PRKCE: variants seen among roughly 807,000 people sequenced by gnomAD.
PRKCE encodes the protein protein kinase C epsilon.
A neutral mutation model predicts 85.4 loss-of-function variants in PRKCE; 16 were observed. That is an observed-to-expected ratio of 0.19 (90% CI 0.13 to 0.28). The LOEUF (loss-of-function observed/expected upper bound fraction) is 0.28, where lower values mean the gene tolerates loss of function less well. PRKCE is among the 10% of genes least tolerant of loss of function. The pLI is 1.00. For missense variants in PRKCE, 573 were observed against 975.2 expected, an observed-to-expected ratio of 0.59 and a Z score of 5.49; for synonymous variants, 388 against 371.5, an observed-to-expected ratio of 1.04 and a Z score of -0.51.
At chr2:46,021,778 G>C (rs1574255694) in intron 10 of PRKCE, among the ~76,000 whole-genome samples, 1 of 152,160 alleles carries the variant, frequency 6.6e-6, no homozygotes, top group South Asian at 2.1e-4. Context: ...GCTGACGTCA[G>C]ATTCTCTCAC....
chr2:45,963,612 T>A (rs147547481), intron 2 of PRKCE, among the ~76,000 whole-genome samples: 9 of 152,296 alleles, frequency 5.9e-5, no homozygotes, highest in African/African-American at 2.2e-4. Context: ...CCCGGCCATC[T>A]TTACCTCTTT....
chr2:45,747,462 T>A (rs887763904), intron 1 of PRKCE, among the ~76,000 whole-genome samples: 4 of 152,204 alleles, frequency 2.6e-5, no homozygotes, highest in African/African-American at 9.7e-5. Context: ...TATACAGTAT[T>A]TGTCCTTTTG....
chr2:46,099,122 G>C (rs773340291), intron 11 of PRKCE, among the ~76,000 whole-genome samples: 1 of 152,052 alleles, frequency 6.6e-6, no homozygotes, highest in Non-Finnish European at 1.5e-5. Context: ...GGTAAGCAAG[G>C]AGCTGGGTTG....
rs1686620582 is a variant in PRKCE, at chr2:45,786,642, A to G, written c.349-56358A>G. The stretch of plus-strand genomic sequence containing the variant: ...AGACAGAGTATTTTGTATGAGATTC[A>G]GGGGTGGGAGTGAGGGGGCAAGGGT... On this transcript the variant is annotated intron_variant, in intron 1 of 14. Transcript: ENST00000306156. This position sits in a 1 kb window ranked among gnomAD's most constrained non-coding sequence, Gnocchi z 5.3. Among the ~76,000 whole-genome samples the G allele has an allele frequency of 6.6e-6, 1 of 152,172 alleles. No homozygotes were observed. Among genetic ancestry groups the G allele is most frequent in the African/African-American group, 2.4e-5 (1 of 41,438 alleles).
At chr2:45,734,506 A>C (rs12467347) in intron 1 of PRKCE, among the ~76,000 whole-genome samples, 66,656 of 152,162 alleles carry the variant, frequency 0.44, 14,715 homozygotes, top group Admixed American at 0.47. Flanking sequence ...TGGTGTGAGC[A>C]TTGGAAGTTA....
intron 2 of PRKCE, among the ~76,000 whole-genome samples, chr2:45,844,100 G>T (rs749005410): frequency 6.6e-6 from 1 of 152,182 alleles, no homozygotes; most frequent in Admixed American, 6.5e-5. Flanking sequence ...TAGAAGGAAG[G>T]ATTACATATT....
At chr2:46,040,331 C>T (rs1351127350) in intron 10 of PRKCE, among the ~76,000 whole-genome samples, 1 of 152,170 alleles carries the variant, frequency 6.6e-6, no homozygotes, top group Admixed American at 6.5e-5. Flanking sequence ...GAAGGGTGAA[C>T]AGCAATTAGA....
intron 10 of PRKCE, among the ~76,000 whole-genome samples, chr2:46,020,427 C>G (rs1218320940): frequency 6.6e-6 from 1 of 151,614 alleles, no homozygotes; most frequent in East Asian, 1.9e-4. Flanking sequence ...TTTTTTTAAC[C>G]TACCCATATT....
intron 11 of PRKCE, among the ~76,000 whole-genome samples, chr2:46,114,454 G>T (rs1429194270): frequency 8.7e-6 from 1 of 115,248 alleles, no homozygotes; most frequent in African/African-American, 3.6e-5. Flanking sequence ...GTCTTGCTCT[G>T]TCGCCCAGCC....
At chr2:45,970,678 A>G (rs1456023996) in intron 2 of PRKCE, among the ~76,000 whole-genome samples, 1 of 152,092 alleles carries the variant, frequency 6.6e-6, no homozygotes, top group Non-Finnish European at 1.5e-5. Context: ...AAATTCAAAT[A>G]TGAACTCTAT....
intron 1 of PRKCE, among the ~76,000 whole-genome samples, chr2:45,740,982 A>G (rs1190139942): frequency 4.6e-5 from 7 of 152,244 alleles, no homozygotes; most frequent in African/African-American, 1.7e-4. Context: ...CATCTGATGA[A>G]AAAATCTCTC....
At chr2:46,031,675 G>T (rs552718197) in intron 10 of PRKCE, among the ~76,000 whole-genome samples, 2 of 150,014 alleles carry the variant, frequency 1.3e-5, no homozygotes, top group South Asian at 4.2e-4. Context: ...GCTCATAAAT[G>T]CTCATGCATC....
intron 2 of PRKCE, among the ~76,000 whole-genome samples, chr2:45,857,401 C>T (rs1692763698): frequency 1.3e-5 from 2 of 152,184 alleles, no homozygotes; most frequent in African/African-American, 2.4e-5. Context: ...AAAATGTTCA[C>T]GTGATCATCT....
chr2:45,750,849 C>G (rs940681633), intron 1 of PRKCE, among the ~76,000 whole-genome samples: 1 of 152,154 alleles, frequency 6.6e-6, no homozygotes, highest in African/African-American at 2.4e-5. Context: ...CCACACCATT[C>G]ACTGGAGCAA....
chr2:45,976,291 T>G, intron 2 of PRKCE, 138 bp from the exon 3 acceptor site: 1 of 958,212 alleles, frequency 1.0e-6, no homozygotes, highest in Non-Finnish European at 1.6e-6. Context: ...GACCCCCGAG[T>G]CCCTCCACAC....
chr2:46,184,066 G>A lies in PRKCE; in HGVS notation c.2068-669G>A. Among the ~76,000 whole-genome samples the A allele has an allele frequency of 6.6e-6, 1 of 152,184 alleles. No individual in the cohort carries two copies. Among genetic ancestry groups the A allele is most frequent in the Non-Finnish European group, 1.5e-5 (1 of 68,038 alleles). On this transcript the variant is annotated intron_variant, in intron 14 of 14. Transcript: ENST00000306156. This position sits in a 1 kb window ranked among gnomAD's most constrained non-coding sequence, Gnocchi z 5.0. ...GTGAGTTTACTTATTTCATTCAGTA[G>A]ACACTTATTGCTGGGGAACTGCTGG...
intron 10 of PRKCE, among the ~76,000 whole-genome samples, chr2:46,022,201 G>A (rs985712696): frequency 3.3e-5 from 5 of 152,312 alleles, no homozygotes; most frequent in African/African-American, 1.2e-4. Context: ...TGCCACTGAT[G>A]CTTGCTCTGA....
intron 11 of PRKCE, among the ~76,000 whole-genome samples, chr2:46,140,095 G>C (rs1675364614): frequency 6.6e-6 from 1 of 152,034 alleles, no homozygotes; most frequent in Admixed American, 6.6e-5. Context: ...GATAAGAAGG[G>C]AAGACTCAAC....
chr2:45,822,417 G>A (rs182339970), intron 1 of PRKCE, among the ~76,000 whole-genome samples: 1 of 152,202 alleles, frequency 6.6e-6, no homozygotes, highest in Non-Finnish European at 1.5e-5. Flanking sequence ...TGAGGTCAGC[G>A]CCTGGGGGTG....
Sources: allele counts gnomAD v4.1 joint callset (sites outside exome capture counted in the v4.1 genomes callset), GRCh38; gene constraint gnomAD v4.1.1; non-coding constraint Gnocchi (gnomAD v3.1); transcripts MANE v1.5; gene names NCBI Gene and HGNC (gene_info 2026-07-23, HGNC 2026-07-21).